Variants in CCDC7 observed in about 807,000 individuals in gnomAD.
CCDC7 encodes coiled-coil domain containing 7.
CCDC7 carries 183 observed loss-of-function variants against 196.9 expected under a neutral mutation model. The ratio of observed to expected loss-of-function variants is 0.93; its 90% CI spans 0.82 to 1.05. CCDC7 has a LOEUF of 1.05. Ranked by LOEUF, CCDC7 falls within the 50% of genes least tolerant of loss-of-function variation. The pLI is 0.00. For synonymous variants in CCDC7, 525 were observed against 484.6 expected (o/e 1.08, Z -1.10); for missense variants, 1,540 against 1,482.2 (o/e 1.04, Z -0.64).
intron 9 of CCDC7, among the ~76,000 whole-genome samples, chr10:32,510,712 A>G (rs1443607232): frequency 1.3e-5 from 2 of 152,084 alleles, no homozygotes; most frequent in African/African-American, 4.8e-5. Flanking sequence ...TTCCCATCTA[A>G]AGTTAATGAG....
At chr10:32,543,946 G>T (rs972552089) in intron 12 of CCDC7, among the ~76,000 whole-genome samples, 5 of 151,932 alleles carry the variant, frequency 3.3e-5, no homozygotes, top group African/African-American at 1.2e-4. Context: ...ATCCTGAAAA[G>T]AAATTCATGG....
chr10:32,632,287 AGTTT>A (rs1004936751), intron 18 of CCDC7, among the ~76,000 whole-genome samples: 2 of 151,638 alleles, frequency 1.3e-5, no homozygotes, highest in African/African-American at 4.8e-5. Flanking sequence ...TTTCATTTTC[AGTTT>A]GTTGAGTGTT....
intron 8 of CCDC7, among the ~76,000 whole-genome samples, chr10:32,480,396 C>G (rs1297206628): frequency 6.6e-6 from 1 of 152,010 alleles, no homozygotes; most frequent in African/African-American, 2.4e-5. Flanking sequence ...GATCATAGCT[C>G]ACTCCAACCT....
intron 9 of CCDC7, among the ~76,000 whole-genome samples, chr10:32,510,528 G>C (rs555774470): frequency 5.5e-4 from 83 of 152,288 alleles, no homozygotes; most frequent in Middle Eastern, 3.4e-3. Flanking sequence ...GGATCTCTTT[G>C]TGGCCTTGAT....
intron 20 of CCDC7, among the ~76,000 whole-genome samples, chr10:32,659,254 T>C (rs951205811): frequency 6.6e-6 from 1 of 152,230 alleles, no homozygotes; most frequent in East Asian, 1.9e-4. Flanking sequence ...TATCTTGAGA[T>C]ATTTTTGATT....
chr10:32,641,795 G>C (rs958940143), intron 20 of CCDC7, among the ~76,000 whole-genome samples: 4 of 152,058 alleles, frequency 2.6e-5, no homozygotes, highest in Non-Finnish European at 4.4e-5. Flanking sequence ...ATCTACCTTT[G>C]GTCTTTGATG....
chr10:32,500,229 G>A (rs1370061470), intron 9 of CCDC7, among the ~76,000 whole-genome samples: 1 of 150,468 alleles, frequency 6.6e-6, no homozygotes, highest in East Asian at 2.0e-4. Context: ...CCTGGCGGGG[G>A]CTGCCCCCCG....
At chr10:32,460,097 A>G (rs1160719932) in intron 3 of CCDC7, among the ~76,000 whole-genome samples, 2 of 152,182 alleles carry the variant, frequency 1.3e-5, no homozygotes, top group Non-Finnish European at 2.9e-5. Flanking sequence ...ACAAATACAA[A>G]TCATAAAAGG....
At chr10:32,811,695 G>A (rs2087153822) in intron 30 of CCDC7, among the ~76,000 whole-genome samples, 2 of 151,960 alleles carry the variant, frequency 1.3e-5, no homozygotes, top group Admixed American at 6.6e-5. Context: ...AATTGAAGAG[G>A]ACGGAATTCT....
chr10:32,595,857 G>A (rs767631892), intron 18 of CCDC7, among the ~76,000 whole-genome samples: 2 of 152,210 alleles, frequency 1.3e-5, no homozygotes, highest in Non-Finnish European at 2.9e-5. Context: ...GTGGTTTTGA[G>A]TGAGTTGCTT....
chr10:32,805,989 G>A (rs1426021367), intron 30 of CCDC7, among the ~76,000 whole-genome samples: 1 of 152,178 alleles, frequency 6.6e-6, no homozygotes, highest in Non-Finnish European at 1.5e-5. Flanking sequence ...GCAAGAGAAA[G>A]AAGGGGGAAG....
At chr10:32,598,982 C>T (rs1355358062) in intron 18 of CCDC7, among the ~76,000 whole-genome samples, 1 of 152,070 alleles carries the variant, frequency 6.6e-6, no homozygotes, top group Admixed American at 6.6e-5. Flanking sequence ...TTCTCTCTGC[C>T]TGTTGTGTCC....
At chr10:32,707,661 T>TA (rs1209182116) in intron 24 of CCDC7, among the ~76,000 whole-genome samples, 2 of 152,256 alleles carry the variant, frequency 1.3e-5, no homozygotes, top group East Asian at 3.9e-4. Flanking sequence ...ATCACAAACG[T>TA]TCCTACACAC....
At chr10:32,777,779 G>A (rs570003938) in intron 28 of CCDC7, among the ~76,000 whole-genome samples, 114 of 152,210 alleles carry the variant, frequency 7.5e-4, no homozygotes, top group Non-Finnish European at 1.1e-3. Context: ...CAGGAGAATC[G>A]CTTGAACCTG....
intron 19 of CCDC7, among the ~76,000 whole-genome samples, chr10:32,634,604 T>G (rs1222639071): frequency 6.6e-6 from 1 of 151,986 alleles, no homozygotes; most frequent in African/African-American, 2.4e-5. Context: ...ACCATGTTGA[T>G]CAGGCTGGTC....
chr10:32,531,647 T>G (rs1352133399), intron 11 of CCDC7, among the ~76,000 whole-genome samples: 1 of 152,186 alleles, frequency 6.6e-6, no homozygotes, highest in African/African-American at 2.4e-5. Flanking sequence ...TCTTTAAATG[T>G]TCAGTAAAAT....
At chr10:32,543,465 AT>A (rs1476999024) in intron 12 of CCDC7, 80 bp downstream of exon 13, 3 of 1,148,772 alleles carry the variant, frequency 2.6e-6, no homozygotes, top group Admixed American at 8.0e-5. Context: ...TTAAAGTCAA[AT>A]AAACATAACT....
chr10:32,446,174 G>T (rs929215642), exon 1 of CCDC7: 1 of 152,184 alleles, frequency 6.6e-6, no homozygotes, highest in East Asian at 1.9e-4. Flanking sequence ...CGGGTGCCCG[G>T]CGGTCTTTGC....
chr10:32,687,735 T>C (rs2076621777), intron 22 of CCDC7, among the ~76,000 whole-genome samples: 2 of 152,140 alleles, frequency 1.3e-5, no homozygotes, highest in Admixed American at 6.5e-5. Flanking sequence ...GTCTAACCCC[T>C]AATTTTGTTT....
Sources: allele counts gnomAD v4.1 joint callset (sites outside exome capture counted in the v4.1 genomes callset), GRCh38; gene constraint gnomAD v4.1.1; transcripts MANE v1.5; gene names NCBI Gene and HGNC (gene_info 2026-07-23, HGNC 2026-07-21).